Variants in PRDM13 observed in about 807,000 individuals in gnomAD.
PRDM13 encodes PR domain zinc finger protein 13.
PRDM13 carries 15 observed loss-of-function variants against 36.4 expected under a neutral mutation model. The observed-to-expected ratio is 0.41, with a 90% CI of 0.28 to 0.64. The LOEUF is 0.64. Among genes scored for constraint, PRDM13 ranks in the 30% least tolerant of loss-of-function variants. PRDM13 has a pLI of 0.29. For missense variants in PRDM13, 1,044 were observed against 1,013.5 expected (o/e 1.03, Z -0.41); for synonymous variants, 531 against 467.7 (o/e 1.14, Z -1.75).
In PRDM13 at chr6:99,614,887, GC is replaced by G; in HGVS notation, c.*130del. ...AAACCGTTTTTGTTTTTGAGAGGGC[GC>G]CAGATTTGAAACAGTGAGAGGTCCC... On this transcript the variant is annotated 3_prime_UTR_variant, in exon 4 of 4. Coordinates refer to ENST00000369215, the MANE Select transcript of PRDM13 (RefSeq NM_021620.4). The G allele has an allele frequency of 8.1e-7, 1 of 1,238,006 alleles. No homozygotes were observed. The highest frequency in any genetic ancestry group is 1.6e-5 in the South Asian group (1 of 62,990). The allele number at this position is 1,238,006 out of a possible 1,614,324, so 76.7% of individuals were successfully genotyped here.
chr6:99,609,017 T>C lies in PRDM13; in HGVS notation c.276+145T>C, dbSNP rs999446213. 14 of 1,394,894 alleles carry C rather than the reference T, an allele frequency of 1.0e-5. No homozygotes were observed. The African/African-American group carries it at 1.8e-4, about 17-fold the overall frequency. 86.4% of individuals were successfully genotyped at this position (1,394,894 alleles called of 1,614,324 possible). On this transcript the variant is annotated intron_variant, in intron 2 of 3. Transcript: ENST00000369215. Reference sequence around the variant, plus strand: ...ACGTCTCGACAACCCTTTAAGGTAGTTACTATTGTTTTTCCGTTTGAAGGA... The same window carrying C: ...ACGTCTCGACAACCCTTTAAGGTAGCTACTATTGTTTTTCCGTTTGAAGGA...
chr6:99,609,897 T>TA (rs66604892), intron 3 of PRDM13, among the ~76,000 whole-genome samples: 5,261 of 140,688 alleles, frequency 0.037, 342 homozygotes, highest in African/African-American at 0.15. Flanking sequence ...AATAAATAAA[T>TA]AAAAATAAAA....
chr6:99,607,233 CG>C (rs1466483740), intron 1 of PRDM13, 55 bp downstream of exon 1: 1 of 1,595,032 alleles, frequency 6.3e-7, no homozygotes. Flanking sequence ...TGCCCTGACC[CG>C]GGAAAGGGGT....
chr6:99,607,282 A>G (rs1769961382), intron 1 of PRDM13, 104 bp downstream of exon 1: 2 of 1,491,244 alleles, frequency 1.3e-6, no homozygotes, highest in East Asian at 4.6e-5. Flanking sequence ...TTGAGTCGTT[A>G]CCTGCTAATT....
Position 99,614,896 on chromosome 6 carries a change from G to C in PRDM13, c.*137G>C. On this transcript the variant is annotated 3_prime_UTR_variant, in exon 4 of 4. Coordinates refer to ENST00000369215, the MANE Select transcript of PRDM13 (RefSeq NM_021620.4). The stretch of plus-strand genomic sequence containing the variant: ...TTGTTTTTGAGAGGGCGCCAGATTT[G>C]AAACAGTGAGAGGTCCCACATCTGG... The C allele has an allele frequency of 8.9e-7, 1 of 1,128,282 alleles. No individual in the cohort carries two copies. The highest frequency in any genetic ancestry group is 1.2e-6 in the Non-Finnish European group (1 of 819,230). The allele number at this position is 1,128,282 out of a possible 1,614,324, so 69.9% of individuals were successfully genotyped here. A position where few individuals can be genotyped will look rare whatever the true frequency, so the allele number is the denominator to read the frequency against.
At position 99,609,222 on chromosome 6, in the gene PRDM13, G is replaced by A; in HGVS notation, c.312G>A (p.Gly104=). 1 of 1,613,550 alleles carries A rather than the reference G, an allele frequency of 6.2e-7. No homozygotes were observed. ...GAGCATTGCGAGACGTCCAGCCAGG[G>A]GAGGAGCTGACAGTGTGGTATTCTA... ...FYRALRDVQP[G]EELTVWYSNS... The change falls in exon 3 of 4, where the codon GGG becomes GGA. Residue 104 remains glycine, a synonymous_variant. Coordinates refer to ENST00000369215, the MANE Select transcript of PRDM13 (RefSeq NM_021620.4).
rs1043090936 is a variant in PRDM13, at chr6:99,614,955, G to A, written c.*196G>A. On this transcript the variant is annotated 3_prime_UTR_variant, in exon 4 of 4. Coordinates refer to ENST00000369215, the MANE Select transcript of PRDM13 (RefSeq NM_021620.4). Reference sequence around the variant, plus strand: ...CTCAGAGCAACAGTTCAGAGGTGGCGTAAATCTGGCCACCTGGAGAGCTCG... The same window carrying A: ...CTCAGAGCAACAGTTCAGAGGTGGCATAAATCTGGCCACCTGGAGAGCTCG... 8 of 786,504 alleles carry A rather than the reference G, an allele frequency of 1.0e-5. No homozygotes were observed. Among genetic ancestry groups the A allele is most frequent in the Non-Finnish European group, 9.7e-6 (5 of 516,920 alleles). The allele number at this position is 786,504 out of a possible 1,614,324, so 48.7% of individuals were successfully genotyped here.
rs1770086301 is a variant in PRDM13, at chr6:99,614,027, C to A, written c.1392C>A (p.Val464=). The change falls in exon 4 of 4, where the codon GTC becomes GTA. Residue 464 remains valine (V), a synonymous_variant. Transcript: ENST00000369215. ...CCGCCGTCATGCCGGCCTTTACAGTCTACAACGGGGAGCTGCTCTACGGCT... is the reference window on the plus strand; with the variant it reads ...CCGCCGTCATGCCGGCCTTTACAGTATACAACGGGGAGCTGCTCTACGGCT... ...HLPAVMPAFT[V]YNGELLYGSP... 1 of 1,610,770 alleles carries A rather than the reference C, an allele frequency of 6.2e-7. No homozygotes were observed.
Position 99,609,597 on chromosome 6 carries a change from T to TA in PRDM13, c.397+298dup, listed in dbSNP as rs553821064. On this transcript the variant is annotated intron_variant, in intron 3 of 3. Coordinates refer to ENST00000369215, the MANE Select transcript of PRDM13 (RefSeq NM_021620.4). ...CAGACCATTATTTACTCAATTAAAA[T>TA]AAAAAAAATTAGGCGCGGTAGCTCA... 3.3e-5 allele frequency among the ~76,000 whole-genome samples: 5 copies of TA among 151,950 alleles called. No individual in the cohort carries two copies. The South Asian group carries it at 8.3e-4, about 25-fold the overall frequency.
At position 99,613,907 on chromosome 6, in the gene PRDM13, C is replaced by T. The variant is rs768759682; in HGVS notation, c.1272C>T (p.Pro424=). Residue 424 remains proline (P), a synonymous_variant, in exon 4 of 4, where the codon CCC becomes CCT. Coordinates refer to ENST00000369215, the MANE Select transcript of PRDM13 (RefSeq NM_021620.4). The surrounding 1 kb of genome is among the most constrained non-coding windows in gnomAD (Gnocchi z 6.1). ...ALPGARYAQL[P]PAPGLPLERC... ...CAGGAGCGCGTTATGCGCAGCTGCC[C>T]CCTGCGCCGGGGTTGCCCCTCGAGC... 9 of 1,583,456 alleles carry T rather than the reference C, an allele frequency of 5.7e-6. No homozygotes were observed. In the South Asian group the frequency reaches 9.1e-5, roughly 16 times the overall value.
Position 99,606,895 on chromosome 6 carries a change from A to T in PRDM13, c.-140A>T, listed in dbSNP as rs1351409470. The T allele has an allele frequency of 8.4e-7, 1 of 1,193,098 alleles. No homozygotes were observed. The highest frequency in any genetic ancestry group is 1.1e-6 in the Non-Finnish European group (1 of 884,590). The allele number at this position is 1,193,098 out of a possible 1,614,324, so 73.9% of individuals were successfully genotyped here. A position where few individuals can be genotyped will look rare whatever the true frequency, so the allele number is the denominator to read the frequency against. On this transcript the variant is annotated 5_prime_UTR_variant, in exon 1 of 4. An upstream start codon of the reference 5' UTR is lost. Coordinates refer to ENST00000369215, the MANE Select transcript of PRDM13 (RefSeq NM_021620.4). Reference sequence around the variant, plus strand: ...CGCCCCGATTGAAAAGGCGCAGTGCATGCCCGCCCGCGTCACTCCGCGGGC... The same window carrying T: ...CGCCCCGATTGAAAAGGCGCAGTGCTTGCCCGCCCGCGTCACTCCGCGGGC...
At chr6:99,607,929 A>G (rs1374540876) in intron 1 of PRDM13, among the ~76,000 whole-genome samples, 1 of 152,196 alleles carries the variant, frequency 6.6e-6, no homozygotes, top group Non-Finnish European at 1.5e-5. Flanking sequence ...GACCAGAGAG[A>G]CTTATAGCAC....
rs2114499652 is a variant in PRDM13 at position 99,613,186 on chromosome 6, C to T, written c.551C>T (p.Ala184Val). 7 of 1,612,546 alleles carry T rather than the reference C, an allele frequency of 4.3e-6. No individual in the cohort carries two copies. The highest frequency in any genetic ancestry group is 2.7e-5 in the African/African-American group (2 of 75,052). Residue 184 changes from alanine to valine, a missense_variant, in exon 4 of 4, where the codon GCG (alanine) becomes GTG (valine). Physicochemically the swap from Ala to Val is moderately conservative, Grantham distance 64 (BLOSUM62 0). Transcript: ENST00000369215. The surrounding 1 kb of genome is among the most constrained non-coding windows in gnomAD (Gnocchi z 6.1). ...EHAARQGAVP[A>V]ADGLGLSPKP... Reference sequence around the variant, plus strand: ...GCGGCTCGCCAAGGCGCCGTCCCAGCGGCTGATGGCCTCGGTCTCTCCCCA... The same window carrying T: ...GCGGCTCGCCAAGGCGCCGTCCCAGTGGCTGATGGCCTCGGTCTCTCCCCA...
At chr6:99,612,920 T>A in intron 3 of PRDM13, 113 bp from the exon 4 acceptor site, 1 of 1,509,776 alleles carries the variant, frequency 6.6e-7, no homozygotes, top group South Asian at 1.3e-5. Context: ...TATTTCACCC[T>A]CTCCCCACAC....
At position 99,614,048 on chromosome 6, in the gene PRDM13, C is replaced by T; in HGVS notation, c.1413C>T (p.Tyr471=). Residue 471 remains tyrosine, a synonymous_variant, in exon 4 of 4, where the codon TAC becomes TAT. Coordinates refer to ENST00000369215, the MANE Select transcript of PRDM13 (RefSeq NM_021620.4). ...CAGTCTACAACGGGGAGCTGCTCTACGGCTCACCGGCCACCACCGCTTATT... is the reference window on the plus strand; with the variant it reads ...CAGTCTACAACGGGGAGCTGCTCTATGGCTCACCGGCCACCACCGCTTATT... The part of the protein sequence containing the change: ...AFTVYNGELL[Y]GSPATTAYYP... The T allele has an allele frequency of 6.2e-7, 1 of 1,608,690 alleles. No individual in the cohort carries two copies. Among genetic ancestry groups the T allele is most frequent in the Non-Finnish European group, 8.5e-7 (1 of 1,178,318 alleles).
rs1309595661 is a variant in PRDM13, at chr6:99,613,175, C to T, written c.540C>T (p.Gly180=). ...ACCACGAACACGCGGCTCGCCAAGGCGCCGTCCCAGCGGCTGATGGCCTCG... is the reference window on the plus strand; with the variant it reads ...ACCACGAACACGCGGCTCGCCAAGGTGCCGTCCCAGCGGCTGATGGCCTCG... ...FLHHEHAARQ[G]AVPAADGLGL... is the part of the protein sequence containing the mutation. Residue 180 remains glycine (G), a synonymous_variant, in exon 4 of 4, where the codon GGC becomes GGT. Transcript: ENST00000369215. The surrounding 1 kb of genome is among the most constrained non-coding windows in gnomAD (Gnocchi z 6.1). The T allele has an allele frequency of 3.7e-6, 6 of 1,612,750 alleles. No individual in the cohort carries two copies. The highest frequency in any genetic ancestry group is 1.3e-5 in the African/African-American group (1 of 75,058).
In PRDM13 at chr6:99,613,118, G is replaced by T. The variant is rs746137345; in HGVS notation, c.483G>T (p.Val161=). ...AGGCACACCTGCGTTTCCACTGCGT[G>T]TTCAGCGGCGGTGGAGGCGGCGCCT... The part of the protein sequence containing the change: ...SLKAHLRFHC[V]FSGGGGGAFL... Residue 161 remains valine (V), a synonymous_variant, in exon 4 of 4, where the codon GTG becomes GTT. Transcript: ENST00000369215. This position sits in a 1 kb window ranked among gnomAD's most constrained non-coding sequence, Gnocchi z 6.1. 7.4e-6 allele frequency: 12 copies of T among 1,613,690 alleles called. No individual in the cohort carries two copies. The South Asian group carries it at 8.8e-5, about 12-fold the overall frequency.
intron 2 of PRDM13, 152 bp from the exon 3 acceptor site, chr6:99,609,035 T>A: frequency 2.2e-6 from 3 of 1,373,072 alleles, no homozygotes; most frequent in Non-Finnish European, 2.9e-6. Context: ...GTTTTTCCGT[T>A]TGAAGGATGA....
In PRDM13 at chr6:99,613,262, A is replaced by T; in HGVS notation, c.627A>T (p.Arg209=). ...CGCCTTCCCAGGCAGGAACTTTGCG[A>T]CCCCACCCCCTGGGCCCGCCACCAG... The part of the protein sequence containing the change: ...FAAPSQAGTL[R]PHPLGPPPVQ... The change falls in exon 4 of 4, where the codon CGA becomes CGT. Residue 209 remains arginine, a synonymous_variant. Transcript: ENST00000369215. The surrounding 1 kb of genome is among the most constrained non-coding windows in gnomAD (Gnocchi z 6.1). 1 of 1,600,604 alleles carries T rather than the reference A, an allele frequency of 6.2e-7. No homozygotes were observed. The highest frequency in any genetic ancestry group is 1.1e-5 in the South Asian group (1 of 89,724).
Sources: allele counts gnomAD v4.1 joint callset (sites outside exome capture counted in the v4.1 genomes callset), GRCh38; gene constraint gnomAD v4.1.1; non-coding constraint Gnocchi (gnomAD v3.1); transcripts MANE v1.5; gene names NCBI Gene and HGNC (gene_info 2026-07-23, HGNC 2026-07-21).